Variants in SORCS1 observed in about 807,000 individuals in gnomAD.
SORCS1 encodes the protein sortilin related VPS10 domain containing receptor 1, also known as VPS10 domain-containing receptor SorCS1.
In SORCS1, 60 loss-of-function variants were observed where a neutral mutation model predicts 146.1. The ratio of observed to expected loss-of-function variants is 0.41; its 90% CI spans 0.33 to 0.51. The LOEUF is 0.51. Among genes scored for constraint, SORCS1 ranks in the 20% least tolerant of loss-of-function variants. The pLI is 0.21. For synonymous variants in SORCS1, 637 were observed against 584.0 expected, an observed-to-expected ratio of 1.09 and a Z score of -1.31; for missense variants, 1,352 against 1,487.6, an observed-to-expected ratio of 0.91 and a Z score of 1.50.
chr10:106,763,355 G>T (rs1859297946), intron 4 of SORCS1, among the ~76,000 whole-genome samples: 1 of 152,052 alleles, frequency 6.6e-6, no homozygotes, highest in African/African-American at 2.4e-5. Context: ...GGAGCCTGTG[G>T]ACCACTCAGG....
intron 1 of SORCS1, among the ~76,000 whole-genome samples, chr10:107,162,954 A>G (rs141374558): frequency 1.2e-3 from 179 of 152,338 alleles, no homozygotes; most frequent in African/African-American, 4.0e-3. Flanking sequence ...AGAAGTTTCC[A>G]CACTTTAAAA....
Position 106,924,515 on chromosome 10 carries a change from AAT to A in SORCS1, c.626+31996_626+31997del, listed in dbSNP as rs1952899999. Reference sequence around the variant, plus strand: ...TATCTATCTATCTATCTATCTATCTAATTTGCATTGGGCAGGAGCTACTCCAA... The same window carrying A: ...TATCTATCTATCTATCTATCTATCTATTGCATTGGGCAGGAGCTACTCCAA... On this transcript the variant is annotated intron_variant, in intron 2 of 25. Coordinates refer to ENST00000263054, the MANE Select transcript of SORCS1 (RefSeq NM_052918.5). Among the ~76,000 whole-genome samples the A allele has an allele frequency of 2.7e-5, 4 of 150,370 alleles. No homozygotes were observed. In the South Asian group the frequency reaches 8.5e-4, roughly 32 times the overall value.
chr10:107,006,377 G>A (rs1957443311), intron 1 of SORCS1, among the ~76,000 whole-genome samples: 1 of 152,168 alleles, frequency 6.6e-6, no homozygotes, highest in African/African-American at 2.4e-5. Flanking sequence ...AGAGCAACAA[G>A]AGAATAAATA....
rs1564814176 is a variant in SORCS1, at chr10:106,647,005, GTGTATATA to G, written c.2475+5369_2475+5376del. The stretch of plus-strand genomic sequence containing the variant: ...TATGTATATATATGTGTGTTTGTAT[GTGTATATA>G]TATATATATATATATATATATATAT... On this transcript the variant is annotated intron_variant, in intron 18 of 25. Transcript: ENST00000263054. Among the ~76,000 whole-genome samples the G allele has an allele frequency of 2.2e-4, 7 of 31,396 alleles. No homozygotes were observed. The Admixed American group carries it at 4.0e-3, about 18-fold the overall frequency. The allele number at this position is 31,396 out of a possible 152,430, so 20.6% of individuals were successfully genotyped here.
intron 2 of SORCS1, among the ~76,000 whole-genome samples, chr10:106,942,959 G>A (rs750496769): frequency 2.6e-5 from 4 of 152,010 alleles, no homozygotes; most frequent in Non-Finnish European, 4.4e-5. Context: ...ACAAAATCAC[G>A]TCTCTTCCTT....
intron 2 of SORCS1, among the ~76,000 whole-genome samples, chr10:106,947,036 C>T (rs1409684944): frequency 6.6e-6 from 1 of 152,156 alleles, no homozygotes; most frequent in Non-Finnish European, 1.5e-5. Flanking sequence ...CAGTCCAATA[C>T]ACATATGAAA....
intron 2 of SORCS1, among the ~76,000 whole-genome samples, chr10:106,900,933 T>A (rs967125079): frequency 6.6e-6 from 1 of 152,198 alleles, no homozygotes; most frequent in Non-Finnish European, 1.5e-5. Context: ...CATAAACTTG[T>A]CTGCATATTT....
At chr10:106,591,335 C>A (rs1244326301) in intron 24 of SORCS1, among the ~76,000 whole-genome samples, 2 of 151,870 alleles carry the variant, frequency 1.3e-5, no homozygotes, top group Non-Finnish European at 2.9e-5. Flanking sequence ...AATTACAATG[C>A]ATATTTAAAG....
chr10:106,680,707 G>T (rs1240486408), intron 10 of SORCS1, among the ~76,000 whole-genome samples: 1 of 152,116 alleles, frequency 6.6e-6, no homozygotes, highest in Non-Finnish European at 1.5e-5. Context: ...ATATAAGTTT[G>T]TGTTTGAGCC....
rs1289392390 is a variant in SORCS1, at chr10:106,982,301, T to C, written c.559-25721A>G. 3.3e-5 allele frequency among the ~76,000 whole-genome samples: 5 copies of C among 152,322 alleles called. No homozygotes were observed. The East Asian group carries it at 7.7e-4, about 23-fold the overall frequency. On this transcript the variant is annotated intron_variant, in intron 1 of 25. Coordinates refer to ENST00000263054, the MANE Select transcript of SORCS1 (RefSeq NM_052918.5). ...ATATTAATTTGTATGTGTGTGTATATACATATAGCTAAGTAAATATTGACA... is the reference window on the plus strand; with the variant it reads ...ATATTAATTTGTATGTGTGTGTATACACATATAGCTAAGTAAATATTGACA...
intron 3 of SORCS1, among the ~76,000 whole-genome samples, chr10:106,793,049 A>T (rs1234890943): frequency 6.6e-6 from 1 of 152,176 alleles, no homozygotes; most frequent in Non-Finnish European, 1.5e-5. Flanking sequence ...AAGACTTGGG[A>T]TTAAATAATG....
chr10:106,806,179 C>G (rs889259273), intron 3 of SORCS1, among the ~76,000 whole-genome samples: 2 of 150,882 alleles, frequency 1.3e-5, no homozygotes, highest in African/African-American at 4.9e-5. Context: ...ATCATCCTGG[C>G]CAACATGGTG....
intron 2 of SORCS1, among the ~76,000 whole-genome samples, chr10:106,923,155 C>T (rs1175338034): frequency 6.6e-6 from 1 of 152,232 alleles, no homozygotes; most frequent in South Asian, 2.1e-4. Context: ...TCCCAAAGTG[C>T]TGGGATTACA....
intron 1 of SORCS1, among the ~76,000 whole-genome samples, chr10:107,017,812 G>A (rs777439639): frequency 5.9e-5 from 9 of 151,968 alleles, no homozygotes; most frequent in Non-Finnish European, 1.2e-4. Flanking sequence ...CACCACGCCC[G>A]GCTATTTTTT....
intron 6 of SORCS1, among the ~76,000 whole-genome samples, chr10:106,718,045 T>C (rs965831817): frequency 2.0e-5 from 3 of 152,142 alleles, no homozygotes; most frequent in African/African-American, 7.2e-5. Flanking sequence ...TCGTCAGGGA[T>C]GGGGACATGA....
chr10:106,709,558 C>A (rs2135838482), intron 6 of SORCS1, among the ~76,000 whole-genome samples: 2 of 151,466 alleles, frequency 1.3e-5, no homozygotes, highest in Middle Eastern at 3.4e-3. Context: ...ACGCCATTCT[C>A]CTGCCTCAGC....
intron 1 of SORCS1, among the ~76,000 whole-genome samples, chr10:106,971,096 AC>A (rs1012301939): frequency 6.6e-6 from 1 of 151,682 alleles, no homozygotes; most frequent in Non-Finnish European, 1.5e-5. Context: ...TCCTCAGGTC[AC>A]CCTTTACACT....
intron 1 of SORCS1, among the ~76,000 whole-genome samples, chr10:107,015,422 A>G (rs1202077995): frequency 6.6e-6 from 1 of 152,160 alleles, no homozygotes; most frequent in Non-Finnish European, 1.5e-5. Context: ...TATTTGAGCA[A>G]AGAGTTGACA....
At chr10:107,036,442 T>G (rs1174827202) in intron 1 of SORCS1, among the ~76,000 whole-genome samples, 2 of 152,174 alleles carry the variant, frequency 1.3e-5, no homozygotes, top group Non-Finnish European at 2.9e-5. Flanking sequence ...ATGAGGAGTC[T>G]TGAACCAGTG....
Sources: gnomAD v4.1 joint callset for allele counts (sites outside exome capture counted in the v4.1 genomes callset) on GRCh38, gnomAD v4.1.1 for gene constraint, MANE v1.5 for transcripts, NCBI Gene and HGNC (gene_info 2026-07-23, HGNC 2026-07-21) for gene names.